MTMR12: variants seen among roughly 807,000 people sequenced by gnomAD.
The protein encoded by MTMR12 is myotubularin related protein 12, also known as myotubularin-related protein 12.
Under a neutral mutation model 96.7 loss-of-function variants are expected in MTMR12, and 33 were observed. The ratio of observed to expected loss-of-function variants is 0.34; its 90% CI spans 0.26 to 0.46. The LOEUF is 0.46. Among genes scored for constraint, MTMR12 ranks in the 20% least tolerant of loss-of-function variants. The pLI is 1.00. For synonymous variants in MTMR12, 298 were observed against 327.2 expected (o/e 0.91, Z 0.96); for missense variants, 721 against 896.1 (o/e 0.80, Z 2.49).
At chr5:32,308,645 G>C (rs1751450536) in intron 1 of MTMR12, among the ~76,000 whole-genome samples, 1 of 151,740 alleles carries the variant, frequency 6.6e-6, no homozygotes, top group Non-Finnish European at 1.5e-5. Flanking sequence ...TCTGTCGCCA[G>C]GCTGAAATGC....
At chr5:32,250,416 G>C (rs1215305671) in intron 8 of MTMR12, among the ~76,000 whole-genome samples, 1 of 152,220 alleles carries the variant, frequency 6.6e-6, no homozygotes, top group East Asian at 1.9e-4. Flanking sequence ...CACACTTTAA[G>C]ATTCATGATG....
intron 12 of MTMR12, among the ~76,000 whole-genome samples, chr5:32,241,075 A>G (rs946915631): frequency 1.3e-5 from 2 of 152,206 alleles, no homozygotes; most frequent in African/African-American, 2.4e-5. Flanking sequence ...ATTTCACTCT[A>G]TGCAACTCTG....
chr5:32,248,145 T>C lies in MTMR12; in HGVS notation c.897-19A>G, dbSNP rs1314398667. On this transcript the variant is annotated intron_variant, in intron 9 of 15. Transcript: ENST00000382142. ...GTAAATTCTAGGTATCAAAAAGGAA[T>C]ATGAGATTAGAAGAGCAAACTCAAA... is the stretch of plus-strand genomic sequence containing the variant. 1.9e-6 allele frequency: 3 copies of C among 1,611,124 alleles called. No homozygotes were observed. The highest frequency in any genetic ancestry group is 2.2e-5 in the East Asian group (1 of 44,826).
chr5:32,237,115 C>G (rs111714900), intron 13 of MTMR12, among the ~76,000 whole-genome samples: 1 of 152,228 alleles, frequency 6.6e-6, no homozygotes, highest in Non-Finnish European at 1.5e-5. Flanking sequence ...AGCCATGGCT[C>G]TGTGTGCCCA....
rs1415678172 is a variant in MTMR12, at chr5:32,229,961, G to C, written c.2061C>G (p.Ala687=). ...KIDERHHSQQ[A]PQAEAPCLLR... The stretch of plus-strand genomic sequence containing the variant: ...GCAGGCAGGGGGCCTCAGCCTGGGG[G>C]GCCTGCTGGCTGTGGTGTCTCTCGT... The change falls in exon 16 of 16, where the codon GCC becomes GCG. Residue 687 remains alanine, a synonymous_variant. Coordinates refer to ENST00000382142, the MANE Select transcript of MTMR12 (RefSeq NM_001040446.3). The C allele has an allele frequency of 1.2e-6, 2 of 1,611,940 alleles. No homozygotes were observed. The highest frequency in any genetic ancestry group is 1.3e-5 in the African/African-American group (1 of 74,876).
chr5:32,274,195 C>T (rs1749959883), intron 2 of MTMR12, 73 bp from the exon 3 acceptor site: 2 of 1,528,328 alleles, frequency 1.3e-6, no homozygotes, highest in African/African-American at 1.4e-5. Context: ...AAAGGCTTTC[C>T]AGCCCTATTT....
chr5:32,301,768 G>A (rs868264110), intron 1 of MTMR12, among the ~76,000 whole-genome samples: 1 of 152,104 alleles, frequency 6.6e-6, no homozygotes, highest in Admixed American at 6.5e-5. Context: ...GCACACCCCT[G>A]TAACCCTAGC....
chr5:32,279,571 A>G (rs1750203771), intron 1 of MTMR12, among the ~76,000 whole-genome samples: 1 of 152,300 alleles, frequency 6.6e-6, no homozygotes, highest in East Asian at 1.9e-4. Flanking sequence ...TGTAAAGGAA[A>G]CTCTTACCAC....
At chr5:32,261,409 G>A (rs1473793013) in intron 7 of MTMR12, among the ~76,000 whole-genome samples, 1 of 151,838 alleles carries the variant, frequency 6.6e-6, no homozygotes, top group Non-Finnish European at 1.5e-5. Context: ...CCCTCCACCT[G>A]GAATGCTCCT....
At chr5:32,293,442 G>A (rs943150573) in intron 1 of MTMR12, among the ~76,000 whole-genome samples, 4 of 152,088 alleles carry the variant, frequency 2.6e-5, no homozygotes, top group African/African-American at 9.7e-5. Context: ...AACATCAGAC[G>A]CCAAGTTCTT....
chr5:32,262,975 T>A lies in MTMR12; in HGVS notation c.713+138A>T, dbSNP rs559200995. 12 of 1,087,600 alleles carry A rather than the reference T, an allele frequency of 1.1e-5. No individual in the cohort carries two copies. In the East Asian group the frequency reaches 2.0e-4, roughly 18 times the overall value. 67.4% of individuals were successfully genotyped at this position (1,087,600 alleles called of 1,614,324 possible). On this transcript the variant is annotated intron_variant, in intron 7 of 15. Coordinates refer to ENST00000382142, the MANE Select transcript of MTMR12 (RefSeq NM_001040446.3). ...AATGGGGAGTGACAGCCAATGGGTA[T>A]GGAGTTTCTTTTTGGGAGGATGAAA...
In MTMR12 at chr5:32,229,749, T is replaced by A; in HGVS notation, c.*29A>T. 6.7e-7 allele frequency: 1 copy of A among 1,493,378 alleles called. No individual in the cohort carries two copies. The highest frequency in any genetic ancestry group is 8.9e-7 in the Non-Finnish European group (1 of 1,120,508). The allele number at this position is 1,493,378 out of a possible 1,614,324, so 92.5% of individuals were successfully genotyped here. ...GATCAGCTGTCCCAATCTCCCACAT[T>A]CCTCTTTCACAATCACTCAACAAAC... On this transcript the variant is annotated 3_prime_UTR_variant, in exon 16 of 16. Coordinates refer to ENST00000382142, the MANE Select transcript of MTMR12 (RefSeq NM_001040446.3).
chr5:32,299,787 A>T (rs552871957), intron 1 of MTMR12, among the ~76,000 whole-genome samples: 1 of 152,314 alleles, frequency 6.6e-6, no homozygotes, highest in Admixed American at 6.5e-5. Flanking sequence ...TCACCATCAC[A>T]CATGTGTGCA....
At chr5:32,288,119 T>A (rs558091425) in intron 1 of MTMR12, among the ~76,000 whole-genome samples, 1 of 152,248 alleles carries the variant, frequency 6.6e-6, no homozygotes, top group Middle Eastern at 3.4e-3. Context: ...AAAAGGTGCA[T>A]GCACAGCCTC....
intron 6 of MTMR12, among the ~76,000 whole-genome samples, 190 bp from the exon 7 acceptor site, chr5:32,263,432 CTTTTTT>C (rs1322346251): frequency 7.2e-6 from 1 of 139,808 alleles, no homozygotes; most frequent in East Asian, 2.0e-4. Context: ...GACTGAGTCT[CTTTTTT>C]TTTTTTTTTT....
At position 32,229,526 on chromosome 5, in the gene MTMR12, C is replaced by T. The variant is rs376906601; in HGVS notation, c.*252G>A. On this transcript the variant is annotated 3_prime_UTR_variant, in exon 16 of 16. Transcript: ENST00000382142. ...TGTATAATACTTAGGCATCAGAAAACGGCCACAACCCTATTACGGGTCAAG... is the reference window on the plus strand; with the variant it reads ...TGTATAATACTTAGGCATCAGAAAATGGCCACAACCCTATTACGGGTCAAG... The T allele has an allele frequency of 1.2e-4, 40 of 332,726 alleles. No individual in the cohort carries two copies. Among genetic ancestry groups the T allele is most frequent in the East Asian group, 1.0e-3 (22 of 21,050 alleles). 20.6% of individuals were successfully genotyped at this position (332,726 alleles called of 1,614,324 possible). A position where few individuals can be genotyped will look rare whatever the true frequency, so the allele number is the denominator to read the frequency against.
chr5:32,238,176 T>C (rs1195340792), intron 13 of MTMR12, among the ~76,000 whole-genome samples: 1 of 148,094 alleles, frequency 6.8e-6, no homozygotes, highest in South Asian at 2.1e-4. Context: ...AAATTGACTC[T>C]GAAAATCTGA....
chr5:32,277,266 T>C (rs1287958533), intron 1 of MTMR12, among the ~76,000 whole-genome samples: 2 of 152,188 alleles, frequency 1.3e-5, no homozygotes, highest in East Asian at 3.8e-4. Flanking sequence ...TTTAATGTAT[T>C]AAACTAATTA....
At chr5:32,288,879 T>C (rs1044930387) in intron 1 of MTMR12, among the ~76,000 whole-genome samples, 1 of 152,192 alleles carries the variant, frequency 6.6e-6, no homozygotes, top group South Asian at 2.1e-4. Flanking sequence ...TTAGGCACTT[T>C]AGACCTACTC....
Sources: gnomAD v4.1 joint callset for allele counts (sites outside exome capture counted in the v4.1 genomes callset) on GRCh38, gnomAD v4.1.1 for gene constraint, MANE v1.5 for transcripts, NCBI Gene and HGNC (gene_info 2026-07-23, HGNC 2026-07-21) for gene names.